Variants in TCHP observed in about 807,000 individuals in gnomAD.
The protein encoded by TCHP is trichoplein keratin filament binding.
TCHP carries 81 observed loss-of-function variants against 88.7 expected under a neutral mutation model. That is an observed-to-expected ratio of 0.91 (90% CI 0.76 to 1.10). The LOEUF is 1.10. Ranked by LOEUF, TCHP falls within the 50% of genes least tolerant of loss-of-function variation. TCHP has a pLI of 0.00. For missense variants in TCHP, 641 were observed against 632.1 expected (o/e 1.01, Z -0.15); for synonymous variants, 232 against 232.5 (o/e 1.00, Z 0.02).
At chr12:109,914,999 A>G (rs1362606841) in intron 11 of TCHP, 2 of 404,856 alleles carry the variant, frequency 4.9e-6, no homozygotes, top group Non-Finnish European at 9.1e-6. Flanking sequence ...ACGCATATGT[A>G]TAGCCTCTCC....
chr12:109,888,698 A>T, the TCHP span, among the ~76,000 whole-genome samples: 1 of 152,216 alleles, frequency 6.6e-6, no homozygotes, highest in Non-Finnish European at 1.5e-5. Context: ...GCTAACATTT[A>T]TTGAATACTT....
chr12:109,906,689 T>C (rs1261393802), intron 5 of TCHP, 49 bp downstream of exon 5: 10 of 1,487,644 alleles, frequency 6.7e-6, no homozygotes, highest in African/African-American at 2.7e-5. Flanking sequence ...TGTGCGAGAC[T>C]GTTCACGTCT....
chr12:109,917,429 AGAGT>A lies in TCHP; in HGVS notation c.*810_*813del, dbSNP rs1870880062. 1 of 152,250 alleles carries A rather than the reference AGAGT, an allele frequency of 6.6e-6. No individual in the cohort carries two copies. The highest frequency in any genetic ancestry group is 1.5e-5 in the Non-Finnish European group (1 of 68,040). The allele number at this position is 152,250 out of a possible 1,614,324, so 9.4% of individuals were successfully genotyped here. On this transcript the variant is annotated 3_prime_UTR_variant, in exon 13 of 13. Transcript: ENST00000405876. ...GGAGTTCGAGTCCAACCTGGGCAAA[AGAGT>A]GAGACCCCATCTCTAAAACCAAAAA...
chr12:109,896,784 G>A (rs144107479), upstream of TCHP, among the ~76,000 whole-genome samples: 1,514 of 152,124 alleles, frequency 1.0e-2, 37 homozygotes, highest in African/African-American at 0.035. Flanking sequence ...ACGTGGTGGC[G>A]GGCACCTGTA....
chr12:109,909,838 C>T (rs1188922308), intron 8 of TCHP, among the ~76,000 whole-genome samples: 2 of 152,124 alleles, frequency 1.3e-5, no homozygotes, highest in African/African-American at 2.4e-5. Context: ...TGGTGGCAGG[C>T]GCCTTAATCC....
chr12:109,895,456 C>T (rs1257090329), upstream of TCHP, among the ~76,000 whole-genome samples: 1 of 151,816 alleles, frequency 6.6e-6, no homozygotes, highest in African/African-American at 2.4e-5. Context: ...TGGGTTCAAG[C>T]GATCCTCCTC....
At chr12:109,914,857 C>T (rs1870711805) in intron 11 of TCHP, 1 of 493,792 alleles carries the variant, frequency 2.0e-6, no homozygotes, top group South Asian at 2.3e-5. Context: ...GTTCTCTTTA[C>T]TCTGTCTGCT....
At chr12:109,916,476 G>T (rs1379363152) in intron 12 of TCHP, 115 bp from the exon 13 acceptor site, 5 of 1,157,440 alleles carry the variant, frequency 4.3e-6, no homozygotes, top group Non-Finnish European at 6.0e-6. Context: ...TTTTTCAGCT[G>T]GAAATGAAAC....
rs896289772 is a variant in TCHP, at chr12:109,908,916, A to G, written c.858A>G (p.Thr286=). ...ATAACGCTCAACTCAGCAGACGCAC[A>G]CAGCAGATCCAAGAGGAGCTGGTAA... ...HQYNAQLSRR[T]QQIQEELEAD... is the part of the protein sequence containing the mutation. Residue 286 remains threonine, a synonymous_variant, in exon 8 of 13, where the codon ACA becomes ACG. Transcript: ENST00000405876. 7.4e-6 allele frequency: 12 copies of G among 1,614,250 alleles called. No homozygotes were observed. In the South Asian group the frequency reaches 1.3e-4, roughly 18 times the overall value.
the TCHP span, among the ~76,000 whole-genome samples, chr12:109,886,492 C>T: frequency 3.3e-5 from 5 of 152,020 alleles, no homozygotes; most frequent in African/African-American, 1.2e-4. Context: ...GTGAAAGCCC[C>T]TCCAAGCTAG....
At chr12:109,915,105 A>G (rs1362782476) in intron 11 of TCHP, 1 of 512,976 alleles carries the variant, frequency 1.9e-6, no homozygotes, top group African/African-American at 2.0e-5. Context: ...TACCAGGTAC[A>G]CACAATGCAT....
At chr12:109,890,232 C>A in the TCHP span, among the ~76,000 whole-genome samples, 1 of 151,174 alleles carries the variant, frequency 6.6e-6, no homozygotes, top group African/African-American at 2.4e-5. Context: ...TAGCACACTA[C>A]CATTATCATT....
chr12:109,914,983 C>T, intron 11 of TCHP: 2 of 396,008 alleles, frequency 5.1e-6, no homozygotes, highest in South Asian at 2.4e-5. Flanking sequence ...TCACGAGGTA[C>T]ACGCCACGCA....
the TCHP span, among the ~76,000 whole-genome samples, chr12:109,890,478 AAGAG>A: frequency 1.3e-5 from 2 of 151,650 alleles, no homozygotes; most frequent in Non-Finnish European, 2.9e-5. Context: ...CCCAAAAAGA[AAGAG>A]AGAGCAAGCC....
At chr12:109,911,685 C>T (rs570188392) in intron 9 of TCHP, among the ~76,000 whole-genome samples, 3 of 151,250 alleles carry the variant, frequency 2.0e-5, no homozygotes, top group South Asian at 4.2e-4. Context: ...AGGAGCACAT[C>T]TTCATAATGG....
Position 109,900,337 on chromosome 12 carries a change from G to T in TCHP, c.-90G>T, listed in dbSNP as rs1869706458. ...AGCCGGCGTTGCTGTAGCGCGTCTG[G>T]GAATTACACCGGGGGACTGGCCGGC... On this transcript the variant is annotated 5_prime_UTR_variant, in exon 1 of 13. Coordinates refer to ENST00000405876, the MANE Select transcript of TCHP (RefSeq NM_001143852.2). 6.6e-6 allele frequency: 1 copy of T among 152,218 alleles called. No individual in the cohort carries two copies. The highest frequency in any genetic ancestry group is 1.5e-5 in the Non-Finnish European group (1 of 68,046). 9.4% of individuals were successfully genotyped at this position (152,218 alleles called of 1,614,324 possible).
Position 109,917,464 on chromosome 12 carries a change from C to T in TCHP, c.*841C>T, listed in dbSNP as rs1314269727. 6.6e-6 allele frequency: 1 copy of T among 152,150 alleles called. No homozygotes were observed. The highest frequency in any genetic ancestry group is 1.5e-5 in the Non-Finnish European group (1 of 68,050). The allele number at this position is 152,150 out of a possible 1,614,324, so 9.4% of individuals were successfully genotyped here. A position where few individuals can be genotyped will look rare whatever the true frequency, so the allele number is the denominator to read the frequency against. On this transcript the variant is annotated 3_prime_UTR_variant, in exon 13 of 13. Coordinates refer to ENST00000405876, the MANE Select transcript of TCHP (RefSeq NM_001143852.2). ...CCCATCTCTAAAACCAAAAAGGTAC[C>T]TTAGAAGGTCACCTGGTTGGCTAAC...
At chr12:109,916,547 A>C in intron 12 of TCHP, 44 bp from the exon 13 acceptor site, 4 of 1,574,724 alleles carry the variant, frequency 2.5e-6, no homozygotes, top group Non-Finnish European at 3.4e-6. Flanking sequence ...CATGCTGCAG[A>C]TACTGCTGAT....
intron 10 of TCHP, chr12:109,914,152 C>T: frequency 5.1e-6 from 1 of 196,060 alleles, no homozygotes; most frequent in South Asian, 1.2e-4. Flanking sequence ...GGAGACAGCT[C>T]CATCCCCATC....
Sources: gnomAD v4.1 joint callset for allele counts (sites outside exome capture counted in the v4.1 genomes callset) on GRCh38, gnomAD v4.1.1 for gene constraint, MANE v1.5 for transcripts, NCBI Gene and HGNC (gene_info 2026-07-23, HGNC 2026-07-21) for gene names.